Variants in ERAP1 observed in about 807,000 individuals in gnomAD.
The protein encoded by ERAP1 is endoplasmic reticulum aminopeptidase 1, also known as adipocyte-derived leucine aminopeptidase.
ERAP1 carries 86 observed loss-of-function variants against 103.7 expected under a neutral mutation model. That is an observed-to-expected ratio of 0.83 (90% CI 0.70 to 0.99). The LOEUF is 0.99. Ranked by LOEUF, ERAP1 falls within the 50% of genes least tolerant of loss-of-function variation. The probability of loss-of-function intolerance (pLI) is 0.00; values close to 1 mark genes in which losing one functional copy is unlikely to be tolerated. For synonymous variants in ERAP1, 398 were observed against 402.4 expected, an observed-to-expected ratio of 0.99 and a Z score of 0.13; for missense variants, 1,009 against 1,128.4, an observed-to-expected ratio of 0.89 and a Z score of 1.52.
Position 96,784,124 on chromosome 5 carries a change from G to T in ERAP1, c.1944-44C>A, listed in dbSNP as rs747960041. On this transcript the variant is annotated intron_variant, in intron 13 of 18. Transcript: ENST00000443439. ...GGTTAGTGGTTTAAAAGTAAATCCG[G>T]GAAGTCAACTTTTTGCTTCAAAATA... is the stretch of plus-strand genomic sequence containing the variant. The T allele has an allele frequency of 3.7e-6, 6 of 1,602,866 alleles. No individual in the cohort carries two copies. In the African/African-American group the frequency reaches 6.7e-5, roughly 18 times the overall value.
intron 5 of ERAP1, among the ~76,000 whole-genome samples, chr5:96,794,311 T>C (rs469735): frequency 0.73 from 110,598 of 150,818 alleles, 40,922 homozygotes; most frequent in Non-Finnish European, 0.79. Context: ...ATCTCAGCCT[T>C]GCAAGTAGCT....
chr5:96,795,401 T>C (rs924469302), intron 4 of ERAP1, among the ~76,000 whole-genome samples: 1 of 152,222 alleles, frequency 6.6e-6, no homozygotes, highest in Non-Finnish European at 1.5e-5. Context: ...GTTTATAAGA[T>C]GGCAAATGAG....
At chr5:96,933,799 A>G in the ERAP1 span, among the ~76,000 whole-genome samples, 1 of 152,132 alleles carries the variant, frequency 6.6e-6, no homozygotes, top group South Asian at 2.1e-4. Context: ...TAAGCAATAC[A>G]ATGTGTGAAG....
intron 8 of ERAP1, among the ~76,000 whole-genome samples, chr5:96,791,572 C>T (rs932650237): frequency 4.6e-5 from 7 of 152,164 alleles, no homozygotes; most frequent in Admixed American, 4.6e-4. Flanking sequence ...GCCAAATCCT[C>T]CTTTTTCTTC....
chr5:96,836,968 T>A, the ERAP1 span, among the ~76,000 whole-genome samples: 39 of 152,336 alleles, frequency 2.6e-4, no homozygotes, highest in African/African-American at 7.7e-4. Context: ...TTATTTATAT[T>A]TCAATTTTCA....
At chr5:96,767,014 G>A (rs1000968500) in intron 19 of ERAP1, among the ~76,000 whole-genome samples, 3 of 152,126 alleles carry the variant, frequency 2.0e-5, no homozygotes, top group Non-Finnish European at 2.9e-5. Flanking sequence ...CCCTGCTTGC[G>A]TTCTTTGGGA....
chr5:96,842,962 G>C, the ERAP1 span, among the ~76,000 whole-genome samples: 1 of 152,060 alleles, frequency 6.6e-6, no homozygotes, highest in Non-Finnish European at 1.5e-5. Flanking sequence ...TTTTGTATAA[G>C]GCGAGGGGTG....
chr5:96,923,432 C>T, the ERAP1 span, among the ~76,000 whole-genome samples: 3 of 152,124 alleles, frequency 2.0e-5, no homozygotes, highest in African/African-American at 4.8e-5. Flanking sequence ...TAGTGGCTGA[C>T]GCCTGTAATC....
chr5:96,893,705 A>C, the ERAP1 span, among the ~76,000 whole-genome samples: 1 of 152,008 alleles, frequency 6.6e-6, no homozygotes, highest in African/African-American at 2.4e-5. Flanking sequence ...TTTTGCCCCC[A>C]CTTTTTTGTC....
At chr5:96,795,230 G>C (rs2150970021) in intron 4 of ERAP1, 68 bp from the exon 5 acceptor site, 1 of 1,591,272 alleles carries the variant, frequency 6.3e-7, no homozygotes, top group Admixed American at 1.7e-5. Context: ...TTGTGTAGAA[G>C]ACTGACATTA....
the ERAP1 span, chr5:96,814,019 C>A: frequency 1.1e-5 from 3 of 260,966 alleles, no homozygotes; most frequent in South Asian, 4.1e-5. Flanking sequence ...ATCAATAATA[C>A]GAACATATCA....
the ERAP1 span, among the ~76,000 whole-genome samples, chr5:96,909,302 A>G: frequency 6.6e-6 from 1 of 152,258 alleles, no homozygotes. Context: ...GCTAGATACC[A>G]GGATCATGTG....
At chr5:96,816,277 G>T in the ERAP1 span, among the ~76,000 whole-genome samples, 3 of 152,144 alleles carry the variant, frequency 2.0e-5, no homozygotes, top group Non-Finnish European at 4.4e-5. Context: ...TGTGAAAATT[G>T]CACACTTGAA....
At chr5:96,932,332 GTTGC>G in the ERAP1 span, among the ~76,000 whole-genome samples, 1 of 152,140 alleles carries the variant, frequency 6.6e-6, no homozygotes, top group East Asian at 1.9e-4. Context: ...TTAATGTATT[GTTGC>G]TTATTTCAAA....
chr5:96,823,944 G>C, the ERAP1 span, among the ~76,000 whole-genome samples: 1 of 152,148 alleles, frequency 6.6e-6, no homozygotes, highest in Non-Finnish European at 1.5e-5. Flanking sequence ...ACCATGCCTT[G>C]ACAGTGGATC....
the ERAP1 span, among the ~76,000 whole-genome samples, chr5:96,922,958 ATGTTTTTTGTTTTT>A: frequency 5.5e-4 from 82 of 149,818 alleles, no homozygotes; most frequent in South Asian, 1.1e-3. Context: ...CACTATTTGG[ATGTTTTTTGTTTTT>A]TGTTTTTTGT....
upstream of ERAP1, among the ~76,000 whole-genome samples, chr5:96,809,882 G>A (rs1402519433): frequency 6.6e-6 from 1 of 151,988 alleles, no homozygotes; most frequent in Non-Finnish European, 1.5e-5. Flanking sequence ...AAGTTTTTTT[G>A]TTTTTGTTTT....
At chr5:96,805,357 T>A (rs140886377) in intron 1 of ERAP1, among the ~76,000 whole-genome samples, 12,866 of 138,874 alleles carry the variant, frequency 0.093, 753 homozygotes, top group Middle Eastern at 0.16. Flanking sequence ...TTTTTTTTTT[T>A]AAAAAAAAAA....
At chr5:96,802,588 CCA>C (rs1778126745) in intron 2 of ERAP1, among the ~76,000 whole-genome samples, 2 of 152,052 alleles carry the variant, frequency 1.3e-5, no homozygotes, top group African/African-American at 4.8e-5. Context: ...AAAATCTCCC[CCA>C]AATAAGTCTC....
Sources: gnomAD v4.1 joint callset for allele counts (sites outside exome capture counted in the v4.1 genomes callset) on GRCh38, gnomAD v4.1.1 for gene constraint, MANE v1.5 for transcripts, NCBI Gene and HGNC (gene_info 2026-07-23, HGNC 2026-07-21) for gene names.